Variants in MGAT5 observed in about 807,000 individuals in gnomAD.
MGAT5 encodes the protein alpha-1,6-mannosylglycoprotein 6-beta-N-acetylglucosaminyltransferase, also known as alpha-1,6-mannosylglycoprotein 6-beta-N-acetylglucosaminyltransferase A.
Under a neutral mutation model 94.3 loss-of-function variants are expected in MGAT5, and 30 were observed. The observed-to-expected ratio is 0.32, with a 90% CI of 0.24 to 0.43. The LOEUF is 0.43. MGAT5 is among the 20% of genes least tolerant of loss of function. The pLI, the probability that MGAT5 is intolerant of heterozygous loss-of-function variation, is 1.00. For synonymous variants in MGAT5, 310 were observed against 322.9 expected (o/e 0.96, Z 0.43); for missense variants, 691 against 905.5 (o/e 0.76, Z 3.04).
intron 1 of MGAT5, among the ~76,000 whole-genome samples, chr2:134,200,371 C>G (rs1679725246): frequency 6.6e-6 from 1 of 152,216 alleles, no homozygotes; most frequent in Non-Finnish European, 1.5e-5. Flanking sequence ...GTAGATTCTT[C>G]TGGAAATTTC....
In MGAT5 at chr2:134,349,842, C is replaced by T; in HGVS notation, c.1150C>T (p.Pro384Ser). Residue 384 changes from proline (P) to serine (S), a missense_variant, in exon 9 of 16, where the codon CCC (proline) becomes TCC (serine). By Grantham distance (74) the Pro-to-Ser change is moderately conservative. Around this residue, in one of 4 missense-constraint regions of MGAT5, gnomAD observed 121 missense variants for 206.1 expected, o/e 0.59. Coordinates refer to ENST00000281923, the MANE Select transcript of MGAT5 (RefSeq NM_002410.5). ...LRVLDSFGTE[P>S]EFNHANYAQS... Reference sequence around the variant, plus strand: ...AGTCCTTGATTCATTTGGTACTGAACCCGAATTTAATCATGCAAATTATGC... The same window carrying T: ...AGTCCTTGATTCATTTGGTACTGAATCCGAATTTAATCATGCAAATTATGC... The T allele has an allele frequency of 6.2e-7, 1 of 1,613,506 alleles. No homozygotes were observed.
chr2:134,425,925 C>T (rs557182395), intron 13 of MGAT5, among the ~76,000 whole-genome samples: 24 of 151,098 alleles, frequency 1.6e-4, no homozygotes, highest in Non-Finnish European at 1.9e-4. Context: ...AAGCAGGATG[C>T]CCAAGAATAC....
chr2:134,201,028 C>T (rs1679761817), intron 1 of MGAT5, among the ~76,000 whole-genome samples: 1 of 152,042 alleles, frequency 6.6e-6, no homozygotes, highest in Admixed American at 6.5e-5. Flanking sequence ...CATCTTCCTG[C>T]CTCAGCCTCC....
intron 7 of MGAT5, among the ~76,000 whole-genome samples, chr2:134,344,075 T>G (rs1398527735): frequency 6.6e-6 from 1 of 152,180 alleles, no homozygotes; most frequent in African/African-American, 2.4e-5. Context: ...TGAAGCAGGA[T>G]ATCCATAATT....
At chr2:134,190,301 C>T (rs1462787861) in intron 1 of MGAT5, among the ~76,000 whole-genome samples, 2 of 152,122 alleles carry the variant, frequency 1.3e-5, no homozygotes, top group Non-Finnish European at 2.9e-5. Flanking sequence ...TGAACAGTCA[C>T]CTGATTTTCC....
At chr2:134,267,752 C>T (rs988972815) in intron 1 of MGAT5, among the ~76,000 whole-genome samples, 3 of 152,210 alleles carry the variant, frequency 2.0e-5, no homozygotes, top group African/African-American at 4.8e-5. Context: ...AGCATTGGCT[C>T]ATGTTCTGTT....
chr2:134,357,898 T>C (rs1355637936), intron 9 of MGAT5, among the ~76,000 whole-genome samples: 2 of 152,176 alleles, frequency 1.3e-5, no homozygotes, highest in African/African-American at 4.8e-5. Context: ...AAATCAGTTT[T>C]TGTAAAATTT....
At chr2:134,249,970 T>C (rs1212580300), upstream of MGAT5, among the ~76,000 whole-genome samples, 1 of 152,270 alleles carries the variant, frequency 6.6e-6, no homozygotes, top group East Asian at 1.9e-4. Context: ...TAGTATCTCA[T>C]TGTGGTTTTG....
chr2:134,419,442 TTGTGTGTGTG>T (rs56181696), intron 12 of MGAT5, among the ~76,000 whole-genome samples: 1,469 of 134,212 alleles, frequency 0.011, 27 homozygotes, highest in African/African-American at 0.035. Context: ...GCTTCAGGGT[TTGTGTGTGTG>T]TGTGTGTGTG....
intron 1 of MGAT5, among the ~76,000 whole-genome samples, chr2:134,263,489 G>A (rs1381582684): frequency 2.0e-5 from 3 of 152,232 alleles, no homozygotes; most frequent in Non-Finnish European, 4.4e-5. Flanking sequence ...CTGAGCATCT[G>A]AGCTGCTCTT....
chr2:134,175,583 C>A (rs1025778685), intron 1 of MGAT5, among the ~76,000 whole-genome samples: 7 of 152,154 alleles, frequency 4.6e-5, no homozygotes, highest in Non-Finnish European at 8.8e-5. Flanking sequence ...GAGAGAATCC[C>A]CTTCCTCTTT....
intron 11 of MGAT5, among the ~76,000 whole-genome samples, chr2:134,412,498 C>T (rs1346197465): frequency 6.6e-6 from 1 of 151,734 alleles, no homozygotes; most frequent in Non-Finnish European, 1.5e-5. Context: ...AGTGTTTTTC[C>T]AGTCATGTCT....
At chr2:134,320,970 A>G (rs1039290428) in intron 4 of MGAT5, among the ~76,000 whole-genome samples, 5 of 152,166 alleles carry the variant, frequency 3.3e-5, no homozygotes, top group African/African-American at 9.7e-5. Flanking sequence ...TGAAAACCCC[A>G]GAGCTAACGA....
intron 1 of MGAT5, among the ~76,000 whole-genome samples, chr2:134,198,670 T>C (rs1363909868): frequency 6.6e-6 from 1 of 152,200 alleles, no homozygotes; most frequent in Non-Finnish European, 1.5e-5. Context: ...TCCTATGATA[T>C]ATTGTAGTGG....
At chr2:134,410,071 C>A (rs1683558065) in intron 11 of MGAT5, among the ~76,000 whole-genome samples, 1 of 152,212 alleles carries the variant, frequency 6.6e-6, no homozygotes, top group Non-Finnish European at 1.5e-5. Context: ...AGAGTTAAGC[C>A]TTGGCACTTA....
chr2:134,192,661 ATTT>A (rs1679287228), intron 1 of MGAT5, among the ~76,000 whole-genome samples: 1 of 151,882 alleles, frequency 6.6e-6, no homozygotes, highest in Non-Finnish European at 1.5e-5. Context: ...ACTTTTTAAA[ATTT>A]TTTTATTTTT....
At chr2:134,256,678 T>C (rs1682981348) in intron 1 of MGAT5, among the ~76,000 whole-genome samples, 1 of 152,224 alleles carries the variant, frequency 6.6e-6, no homozygotes, top group Non-Finnish European at 1.5e-5. Flanking sequence ...TCAGCCACCT[T>C]ATATGCCTGT....
intron 1 of MGAT5, among the ~76,000 whole-genome samples, chr2:134,191,109 T>C (rs765375605): frequency 6.6e-6 from 1 of 152,280 alleles, no homozygotes; most frequent in African/African-American, 2.4e-5. Flanking sequence ...CTGTTCTTTT[T>C]CTGTATTATG....
At chr2:134,160,060 T>G (rs927372245) in intron 1 of MGAT5, among the ~76,000 whole-genome samples, 57 of 152,166 alleles carry the variant, frequency 3.7e-4, no homozygotes, top group Non-Finnish European at 4.9e-4. Flanking sequence ...GCTGCTGTGC[T>G]TTCCTAGGAA....
Sources: allele counts gnomAD v4.1 joint callset (sites outside exome capture counted in the v4.1 genomes callset), GRCh38; gene constraint gnomAD v4.1.1; regional missense constraint gnomAD v4.1.1; transcripts MANE v1.5; gene names NCBI Gene and HGNC (gene_info 2026-07-23, HGNC 2026-07-21).